Variants in KANSL1 observed in about 807,000 individuals in gnomAD.
KANSL1 encodes KAT8 regulatory NSL complex subunit 1, also known as MLL1/MLL complex subunit KANSL1.
A neutral mutation model predicts 103.6 loss-of-function variants in KANSL1; 22 were observed. The observed-to-expected ratio is 0.21, with a 90% CI of 0.15 to 0.30. KANSL1 has a LOEUF of 0.30. KANSL1 is among the 10% of genes least tolerant of loss of function. KANSL1 has a pLI of 1.00. For synonymous variants in KANSL1, 600 were observed against 527.6 expected, an observed-to-expected ratio of 1.14 and a Z score of -1.88; for missense variants, 1,337 against 1,399.8, an observed-to-expected ratio of 0.96 and a Z score of 0.72.
chr17:46,215,223 C>T (rs974359446), intron 1 of KANSL1: 1 of 152,508 alleles, frequency 6.6e-6, no homozygotes, highest in Non-Finnish European at 1.5e-5. Flanking sequence ...AGGGTAGAGT[C>T]CATCTTAAGC....
At position 46,172,193 on chromosome 17, in the gene KANSL1, G is replaced by A. The variant is rs776081152; in HGVS notation, c.-50C>T. On this transcript the variant is annotated 5_prime_UTR_variant, in exon 2 of 15. Transcript: ENST00000432791. ...AGCCTCTCCCGATGCCGAGGCCGAG[G>A]CCAGCTCCACGGCCCCTTACTGCCT... 4 of 1,551,474 alleles carry A rather than the reference G, an allele frequency of 2.6e-6. No homozygotes were observed. In the South Asian group the frequency reaches 3.4e-5, roughly 13 times the overall value.
intron 2 of KANSL1, among the ~76,000 whole-genome samples, chr17:46,129,858 G>A (rs1448041402): frequency 6.6e-6 from 1 of 151,994 alleles, no homozygotes; most frequent in Non-Finnish European, 1.5e-5. Flanking sequence ...CAGAACTTAG[G>A]GCAGTACTCC....
chr17:46,068,285 C>T lies in KANSL1; in HGVS notation c.1534-618G>A, dbSNP rs1004899283. ...TTTGTTTAAAAATATACACACAGGC[C>T]GGGGATGGTGGCTCATGACTGTAAC... On this transcript the variant is annotated intron_variant, in intron 4 of 14. Transcript: ENST00000432791. Among the ~76,000 whole-genome samples the T allele has an allele frequency of 2.6e-5, 4 of 152,002 alleles. No homozygotes were observed. In the East Asian group the frequency reaches 5.9e-4, roughly 22 times the overall value.
Position 46,062,141 on chromosome 17 carries a change from A to G in KANSL1, c.1848+4396T>C, listed in dbSNP as rs1046743735. 1.7e-4 allele frequency among the ~76,000 whole-genome samples: 23 copies of G among 135,622 alleles called. 1 individual carries two copies. Among genetic ancestry groups the G allele is most frequent in the Non-Finnish European group, 3.2e-4 (20 of 63,278 alleles). 89.0% of individuals were successfully genotyped at this position (135,622 alleles called of 152,430 possible). The stretch of plus-strand genomic sequence containing the variant: ...AACAAAAAAAAAAAAAAAACATGTT[A>G]CAGCAGATTTACCTCCCCCAAAATA... On this transcript the variant is annotated intron_variant, in intron 6 of 14. Transcript: ENST00000432791.
At chr17:46,200,064 C>CAT (rs2047745725) in intron 1 of KANSL1, among the ~76,000 whole-genome samples, 1 of 151,920 alleles carries the variant, frequency 6.6e-6, no homozygotes. Context: ...CACACACACA[C>CAT]ACCCTGATTA....
At chr17:46,220,186 A>T (rs2048481731) in intron 1 of KANSL1, among the ~76,000 whole-genome samples, 1 of 152,254 alleles carries the variant, frequency 6.6e-6, no homozygotes, top group Admixed American at 6.5e-5. Context: ...CAGAAAGAGA[A>T]GAAAAGGAAG....
intron 2 of KANSL1, among the ~76,000 whole-genome samples, chr17:46,140,840 G>C (rs759648332): frequency 5.5e-4 from 84 of 152,156 alleles, no homozygotes; most frequent in Non-Finnish European, 1.1e-3. Context: ...ACTTCACATT[G>C]ACTAGCATGG....
At chr17:46,037,734 A>G (rs1194189877) in intron 10 of KANSL1, 1 of 152,266 alleles carries the variant, frequency 6.6e-6, no homozygotes, top group African/African-American at 2.4e-5. Flanking sequence ...AATAAACATT[A>G]CAGTTGCAGA....
intron 2 of KANSL1, among the ~76,000 whole-genome samples, chr17:46,097,048 C>G (rs2042118099): frequency 6.6e-6 from 1 of 152,200 alleles, no homozygotes; most frequent in Non-Finnish European, 1.5e-5. Context: ...AATTCTGTTT[C>G]TGAGAACATA....
At chr17:46,214,423 G>C (rs541170116) in intron 1 of KANSL1, among the ~76,000 whole-genome samples, 4 of 152,332 alleles carry the variant, frequency 2.6e-5, no homozygotes, top group South Asian at 2.1e-4. Flanking sequence ...GGAGGCTGAG[G>C]GGGGTGGATC....
chr17:46,082,294 A>G (rs540137439), intron 4 of KANSL1, 147 bp downstream of exon 4: 3 of 541,936 alleles, frequency 5.5e-6, no homozygotes, highest in African/African-American at 3.9e-5. Context: ...TCAGGAATTC[A>G]GATCTTAAAA....
intron 6 of KANSL1, among the ~76,000 whole-genome samples, chr17:46,053,379 G>A (rs892201491): frequency 1.3e-5 from 2 of 152,082 alleles, no homozygotes; most frequent in African/African-American, 4.8e-5. Context: ...AACTTAAACA[G>A]TAATCTCACT....
upstream of KANSL1, chr17:46,196,492 C>G: frequency 2.2e-6 from 1 of 453,998 alleles, no homozygotes; most frequent in African/African-American, 2.0e-5. Flanking sequence ...ACAGTGACAC[C>G]TCAAACTGCT....
At chr17:46,193,843 G>A (rs2047500194), upstream of KANSL1, 1 of 163,976 alleles carries the variant, frequency 6.1e-6, no homozygotes, top group Admixed American at 6.5e-5. Flanking sequence ...CGCGGAGCGA[G>A]AGGACGTGAG....
At chr17:46,035,831 G>GA (rs66878342) in intron 10 of KANSL1, 21,759 of 152,024 alleles carry the variant, frequency 0.14, 2,120 homozygotes, top group Non-Finnish European at 0.22. Flanking sequence ...AAAGATACTG[G>GA]AGCAGGTTGT....
intron 1 of KANSL1, among the ~76,000 whole-genome samples, chr17:46,181,492 C>T (rs1393004256): frequency 2.0e-5 from 3 of 152,086 alleles, no homozygotes; most frequent in East Asian, 1.9e-4. Context: ...TGCGATGGCG[C>T]GATCTCCGCT....
intron 1 of KANSL1, among the ~76,000 whole-genome samples, chr17:46,219,139 C>A (rs917298562): frequency 5.3e-5 from 8 of 151,940 alleles, no homozygotes; most frequent in African/African-American, 1.9e-4. Flanking sequence ...TGACAGGTGC[C>A]TGTAATCCCA....
chr17:46,037,108 CA>C (rs2077174453), intron 10 of KANSL1, among the ~76,000 whole-genome samples: 1 of 152,184 alleles, frequency 6.6e-6, no homozygotes. Flanking sequence ...AATTTTTACT[CA>C]ATAAATGGTA....
intron 2 of KANSL1, among the ~76,000 whole-genome samples, chr17:46,151,717 C>G (rs920050631): frequency 6.6e-6 from 1 of 152,228 alleles, no homozygotes. Context: ...GAGGAATATT[C>G]ATCATTGCAA....
Sources: gnomAD v4.1 joint callset for allele counts (sites outside exome capture counted in the v4.1 genomes callset) on GRCh38, gnomAD v4.1.1 for gene constraint, MANE v1.5 for transcripts, NCBI Gene and HGNC (gene_info 2026-07-23, HGNC 2026-07-21) for gene names.